Variants in FAT2 observed in about 807,000 individuals in gnomAD.
The protein encoded by FAT2 is protocadherin Fat 2.
In FAT2, 150 loss-of-function variants were observed where a neutral mutation model predicts 295.3. The observed-to-expected ratio is 0.51, with a 90% confidence interval of 0.44 to 0.58. The LOEUF (loss-of-function observed/expected upper bound fraction) is 0.58. Among genes scored for constraint, FAT2 ranks in the 20% least tolerant of loss-of-function variants. The pLI, the probability that FAT2 is intolerant of heterozygous loss-of-function variation, is 0.00. For synonymous variants in FAT2, 2,026 were observed against 2,150.3 expected (o/e 0.94, Z 1.60); for missense variants, 4,868 against 5,442.7 (o/e 0.89, Z 3.32).
At chr5:151,571,501 G>A (rs1413175240) in intron 1 of FAT2, among the ~76,000 whole-genome samples, 3 of 152,340 alleles carry the variant, frequency 2.0e-5, no homozygotes, top group African/African-American at 7.2e-5. Flanking sequence ...GCCTTGCAAT[G>A]CAGGCGCCGT....
chr5:151,571,648 T>A (rs931693287), intron 1 of FAT2, among the ~76,000 whole-genome samples: 6 of 152,166 alleles, frequency 3.9e-5, no homozygotes, highest in Admixed American at 1.3e-4. Flanking sequence ...TGGGGAGTAG[T>A]TTGCTGAGGG....
At chr5:151,594,639 C>T (rs1212977840), upstream of FAT2, among the ~76,000 whole-genome samples, 1 of 152,188 alleles carries the variant, frequency 6.6e-6, no homozygotes, top group Non-Finnish European at 1.5e-5. Flanking sequence ...TCCATTTCCC[C>T]TATTTGCCTG....
intron 18 of FAT2, among the ~76,000 whole-genome samples, chr5:151,524,850 G>A (rs1753828200): frequency 6.6e-6 from 1 of 152,166 alleles, no homozygotes; most frequent in Admixed American, 6.5e-5. Context: ...TGGCAGCTTG[G>A]CTCTCTGCTC....
rs143651381 is a variant in FAT2 at position 151,548,701 on chromosome 5, G to A, written c.4789+594C>T. Among the ~76,000 whole-genome samples the A allele has an allele frequency of 9.1e-3, 1,391 of 152,130 alleles. 17 individuals carry two copies. Among genetic ancestry groups the A allele is most frequent in the African/African-American group, 0.032 (1,344 of 41,492 alleles). On this transcript the variant is annotated intron_variant, in intron 9 of 23. Coordinates refer to ENST00000261800, the MANE Select transcript of FAT2 (RefSeq NM_001447.3). ...TCACCATGTTGGCTAGGCGGGTCTC[G>A]AACTCCCAACCTCAGGTGATCCGCC...
chr5:151,538,716 T>C (rs1419138474), intron 11 of FAT2, among the ~76,000 whole-genome samples: 1 of 152,186 alleles, frequency 6.6e-6, no homozygotes, highest in Non-Finnish European at 1.5e-5. Flanking sequence ...CTCACTCTGT[T>C]GCCCAGGCTT....
intron 23 of FAT2, among the ~76,000 whole-genome samples, chr5:151,506,632 A>G (rs949343367): frequency 6.6e-6 from 1 of 152,242 alleles, no homozygotes; most frequent in Non-Finnish European, 1.5e-5. Flanking sequence ...CGGTTTCCGT[A>G]TTTGACACAT....
At chr5:151,507,872 G>T (rs2127565373) in intron 22 of FAT2, among the ~76,000 whole-genome samples, 1 of 152,218 alleles carries the variant, frequency 6.6e-6, no homozygotes, top group East Asian at 1.9e-4. Flanking sequence ...TGAGATCTAG[G>T]CACTGTATAC....
Position 151,531,452 on chromosome 5 carries a change from G to T in FAT2, c.9811+135C>A. ...ACCTGGTACTCGGAGAGAAGCAGAA[G>T]AGAATGGAGAAACGACCAGAGGAGG... On this transcript the variant is annotated intron_variant, in intron 14 of 23. Transcript: ENST00000261800. This position sits in a 1 kb window ranked among gnomAD's most constrained non-coding sequence, Gnocchi z 5.7. The T allele has an allele frequency of 1.6e-6, 2 of 1,224,046 alleles. No individual in the cohort carries two copies. The highest frequency in any genetic ancestry group is 1.5e-5 in the African/African-American group (1 of 65,768). The allele number at this position is 1,224,046 out of a possible 1,614,324, so 75.8% of individuals were successfully genotyped here.
chr5:151,527,911 T>C (rs978108798), intron 16 of FAT2, 85 bp downstream of exon 16: 103 of 1,533,640 alleles, frequency 6.7e-5, no homozygotes, highest in Non-Finnish European at 8.5e-5. Flanking sequence ...GATGGGGTCT[T>C]GACAGCGATT....
rs182054537 is a variant in FAT2 at position 151,590,260 on chromosome 5, C to T, written c.-21+905G>A. ...CCTACTTCCCAGCCTGCTTCTTCAC[C>T]TCCTCCTCTCCCCTGAGTCCAGGCG... On this transcript the variant is annotated intron_variant, in intron 1 of 23. Coordinates refer to ENST00000261800, the MANE Select transcript of FAT2 (RefSeq NM_001447.3). Among the ~76,000 whole-genome samples, 23 of 152,338 alleles carry T rather than the reference C, an allele frequency of 1.5e-4. No individual in the cohort carries two copies. In the East Asian group the frequency reaches 4.4e-3, roughly 29 times the overall value.
At chr5:151,533,220 G>T (rs1314495723) in intron 13 of FAT2, among the ~76,000 whole-genome samples, 1 of 152,096 alleles carries the variant, frequency 6.6e-6, no homozygotes, top group Non-Finnish European at 1.5e-5. Context: ...TCCTGTCCCT[G>T]GAGGTGTGTA....
At chr5:151,550,375 G>C (rs1757078452) in intron 8 of FAT2, among the ~76,000 whole-genome samples, 1 of 152,164 alleles carries the variant, frequency 6.6e-6, no homozygotes, top group Admixed American at 6.5e-5. Flanking sequence ...GAAAGCTGAG[G>C]TTGACAGGAG....
At chr5:151,589,918 G>A (rs1759331616) in intron 1 of FAT2, among the ~76,000 whole-genome samples, 1 of 152,016 alleles carries the variant, frequency 6.6e-6, no homozygotes, top group African/African-American at 2.4e-5. Flanking sequence ...TTAATAAAGG[G>A]AGGAGAGGAT....
At position 151,566,718 on chromosome 5, in the gene FAT2, T is replaced by G; in HGVS notation, c.2214A>C (p.Ala738=). ...TAAAACCAGCATCAGGGTCAGTGGC[T>G]GCTAGGCGGGCCAAGGGGGTGTTGA... ...VPINTPLARL[A]ATDPDAGFNG... is the part of the protein sequence containing the mutation. Residue 738 remains alanine (A), a synonymous_variant, in exon 2 of 24, where the codon GCA becomes GCC. Transcript: ENST00000261800. 1 of 1,614,168 alleles carries G rather than the reference T, an allele frequency of 6.2e-7. No homozygotes were observed. Among genetic ancestry groups the G allele is most frequent in the Non-Finnish European group, 8.5e-7 (1 of 1,180,026 alleles).
chr5:151,580,776 C>T (rs1322680472), intron 1 of FAT2, among the ~76,000 whole-genome samples: 2 of 152,096 alleles, frequency 1.3e-5, no homozygotes, highest in Non-Finnish European at 2.9e-5. Flanking sequence ...GTGAAAACAC[C>T]AGGTAGAAAA....
intron 23 of FAT2, 71 bp from the exon 24 acceptor site, chr5:151,506,168 T>G: frequency 6.9e-7 from 1 of 1,454,066 alleles, no homozygotes; most frequent in South Asian, 1.5e-5. Context: ...CTATAGCAAC[T>G]ATATATAACC....
At chr5:151,587,619 C>G (rs1165023318) in intron 1 of FAT2, among the ~76,000 whole-genome samples, 1 of 152,198 alleles carries the variant, frequency 6.6e-6, no homozygotes, top group African/African-American at 2.4e-5. Flanking sequence ...GGTCTCCATG[C>G]CAGCCTGGGT....
chr5:151,564,054 T>G (rs1290107875), intron 2 of FAT2, among the ~76,000 whole-genome samples: 1 of 152,244 alleles, frequency 6.6e-6, no homozygotes, highest in Admixed American at 6.5e-5. Flanking sequence ...GATAATCAAT[T>G]TCAGGGTTAG....
At chr5:151,524,749 C>T (rs1359742349) in intron 18 of FAT2, among the ~76,000 whole-genome samples, 1 of 152,162 alleles carries the variant, frequency 6.6e-6, no homozygotes, top group Non-Finnish European at 1.5e-5. Context: ...GTTCTCAGTA[C>T]CTCAGCCATA....
Sources: allele counts gnomAD v4.1 joint callset (sites outside exome capture counted in the v4.1 genomes callset), GRCh38; gene constraint gnomAD v4.1.1; non-coding constraint Gnocchi (gnomAD v3.1); transcripts MANE v1.5; gene names NCBI Gene and HGNC (gene_info 2026-07-23, HGNC 2026-07-21).